RASA4B: variants seen among roughly 807,000 people sequenced by gnomAD.
RASA4B encodes the protein RAS p21 protein activator 4B, also known as ras GTPase-activating protein 4B.
In RASA4B, 2 loss-of-function variants were observed where a neutral mutation model predicts 24.2. The ratio of observed to expected loss-of-function variants is 0.08; its 90% confidence interval spans 0.03 to 0.26. The LOEUF (loss-of-function observed/expected upper bound fraction) is 0.26. RASA4B is among the 10% of genes least tolerant of loss of function. RASA4B has a pLI of 1.00. For missense variants in RASA4B, 8 were observed against 277.2 expected, an observed-to-expected ratio of 0.03 and a Z score of 6.90; for synonymous variants, 2 against 125.6, an observed-to-expected ratio of 0.02 and a Z score of 6.58.
intron 6 of RASA4B, among the ~76,000 whole-genome samples, chr7:102,502,809 C>T (rs1315452735): frequency 1.0e-4 from 11 of 109,128 alleles, no homozygotes; most frequent in Non-Finnish European, 2.4e-4. Flanking sequence ...AGCGACTATA[C>T]TGAGAAAGCA....
At chr7:102,504,122 T>TG in intron 5 of RASA4B, among the ~76,000 whole-genome samples, 1 of 151,534 alleles carries the variant, frequency 6.6e-6, no homozygotes, top group East Asian at 2.0e-4. Context: ...TTTCTTTTTT[T>TG]TTTTTAAACA....
intron 1 of RASA4B, among the ~76,000 whole-genome samples, chr7:102,513,289 TG>T (rs1158072000): frequency 6.7e-6 from 1 of 148,886 alleles, no homozygotes; most frequent in Admixed American, 6.7e-5. Context: ...CTGAGCTACC[TG>T]GGGGCGGGGA....
At chr7:102,489,611 G>GC (rs1349971931) in intron 17 of RASA4B, among the ~76,000 whole-genome samples, 1,154 of 144,718 alleles carry the variant, frequency 8.0e-3, no homozygotes, top group Admixed American at 1.0e-2. Flanking sequence ...TCCTGCCTCA[G>GC]CCCCCCAAGT....
Position 102,480,496 on chromosome 7 carries a change from C to CT in RASA4B, c.*3095dup, listed in dbSNP as rs1798589282. Among the ~76,000 whole-genome samples, 1 of 129,908 alleles carries CT rather than the reference C, an allele frequency of 7.7e-6. No individual in the cohort carries two copies. Among genetic ancestry groups the CT allele is most frequent in the Non-Finnish European group, 1.7e-5 (1 of 60,218 alleles). 85.2% of individuals were successfully genotyped at this position (129,908 alleles called of 152,430 possible). A position where few individuals can be genotyped will look rare whatever the true frequency, so the allele number is the denominator to read the frequency against. ...GACCAGGCCATGTATACTTTTTAAG[C>CT]TTTTTTATTCTTGAAAAGTTCAAAG... is the stretch of plus-strand genomic sequence containing the variant. On this transcript the variant is annotated 3_prime_UTR_variant, in exon 21 of 21. Coordinates refer to ENST00000465829, the MANE Select transcript of RASA4B (RefSeq NM_001367767.2).
intron 6 of RASA4B, among the ~76,000 whole-genome samples, chr7:102,502,544 AG>A (rs1407307671): frequency 3.2e-4 from 26 of 80,754 alleles, no homozygotes; most frequent in Non-Finnish European, 6.3e-4. Context: ...GGATCACTTG[AG>A]GCCAGGAGTT....
intron 8 of RASA4B, among the ~76,000 whole-genome samples, chr7:102,498,264 A>AT (rs534411144): frequency 2.1e-4 from 30 of 145,800 alleles, no homozygotes; most frequent in African/African-American, 6.5e-4. Context: ...TTCTTTATTT[A>AT]TTTTTTTTTT....
rs1799138769 is a variant in RASA4B at position 102,496,541 on chromosome 7, T to C, written c.934A>G (p.Lys312Glu). The part of the protein sequence containing the change: ...CRQDVATNLL[K>E]LFLGQGLAKD... ...GCCAGCCCCTGCCCCAGGAAGAGCT[T>C]GAGCAGGTTCGTGGCCACGTCCTGG... The change falls in exon 10 of 21, where the codon AAG (lysine) becomes GAG (glutamate). Residue 312 changes from lysine to glutamate, a missense_variant. By Grantham distance (56) the Lys-to-Glu change is moderately conservative (BLOSUM62 1). Transcript: ENST00000465829. 1 of 1,017,234 alleles carries C rather than the reference T, an allele frequency of 9.8e-7. No individual in the cohort carries two copies. The highest frequency in any genetic ancestry group is 1.4e-5 in the African/African-American group (1 of 69,334). The allele number at this position is 1,017,234 out of a possible 1,614,324, so 63.0% of individuals were successfully genotyped here.
chr7:102,491,936 G>GC (rs1286717956), intron 16 of RASA4B, among the ~76,000 whole-genome samples: 2 of 10,580 alleles, frequency 1.9e-4, no homozygotes, highest in Non-Finnish European at 8.2e-4. Flanking sequence ...AGCATAGCAA[G>GC]ACCCCATCTC....
rs570354166 is a variant in RASA4B at position 102,480,277 on chromosome 7, C to G, written c.*3315G>C. Among the ~76,000 whole-genome samples, 2 of 152,222 alleles carry G rather than the reference C, an allele frequency of 1.3e-5. No homozygotes were observed. Among genetic ancestry groups the G allele is most frequent in the South Asian group, 4.2e-4 (2 of 4,818 alleles). ...CAGGAAAGGGAGTGTACAGTGAGAT[C>G]AGGATGAGGGTGGTGAGGTGGTGAT... On this transcript the variant is annotated 3_prime_UTR_variant, in exon 21 of 21. Coordinates refer to ENST00000465829, the MANE Select transcript of RASA4B (RefSeq NM_001367767.2).
At position 102,480,205 on chromosome 7, in the gene RASA4B, T is replaced by A. The variant is rs1798580245; in HGVS notation, c.*3387A>T. Among the ~76,000 whole-genome samples, 1 of 152,154 alleles carries A rather than the reference T, an allele frequency of 6.6e-6. No individual in the cohort carries two copies. The highest frequency in any genetic ancestry group is 2.4e-5 in the African/African-American group (1 of 41,456). ...ACCTGTTGCCAAGCCCACCGTGGTC[T>A]AGCTGTAGCGTTAGTGTCAAGGAAA... On this transcript the variant is annotated 3_prime_UTR_variant, in exon 21 of 21. Transcript: ENST00000465829.
intron 8 of RASA4B, among the ~76,000 whole-genome samples, chr7:102,500,437 A>G (rs1799324153): frequency 7.2e-6 from 1 of 139,764 alleles, no homozygotes; most frequent in Admixed American, 7.4e-5. Context: ...ACGCCATTGC[A>G]CTCCAGCCTG....
intron 5 of RASA4B, among the ~76,000 whole-genome samples, chr7:102,504,789 C>T (rs1799442527): frequency 7.0e-6 from 1 of 143,612 alleles, no homozygotes; most frequent in African/African-American, 2.7e-5. Context: ...CACCTGAGGG[C>T]AGGAGTTTGA....
intron 18 of RASA4B, among the ~76,000 whole-genome samples, chr7:102,486,959 G>A (rs1359142087): frequency 5.5e-5 from 1 of 18,154 alleles, no homozygotes; most frequent in Non-Finnish European, 2.3e-4. Flanking sequence ...TTACAGGCGT[G>A]AGCCACCACA....
rs980312608 is a variant in RASA4B, at chr7:102,480,123, G to A, written c.*3469C>T. Among the ~76,000 whole-genome samples the A allele has an allele frequency of 9.9e-5, 15 of 152,092 alleles. No individual in the cohort carries two copies. Among genetic ancestry groups the A allele is most frequent in the African/African-American group, 3.4e-4 (14 of 41,426 alleles). ...AGAGTGCGAGCTTTCTGTTATGCCCGGACAGGGCCACCAGAGGGCTCCTTG... is the reference window on the plus strand; with the variant it reads ...AGAGTGCGAGCTTTCTGTTATGCCCAGACAGGGCCACCAGAGGGCTCCTTG... On this transcript the variant is annotated 3_prime_UTR_variant, in exon 21 of 21. Transcript: ENST00000465829.
At chr7:102,502,639 A>G (rs1799360149) in intron 6 of RASA4B, among the ~76,000 whole-genome samples, 1 of 111,264 alleles carries the variant, frequency 9.0e-6, no homozygotes, top group Non-Finnish European at 2.3e-5. Flanking sequence ...GTGTGCCTGT[A>G]ATCCTAGCTA....
chr7:102,496,133 A>T lies in RASA4B; in HGVS notation c.1071+7T>A. 6.2e-7 allele frequency: 1 copy of T among 1,613,902 alleles called. No homozygotes were observed. The highest frequency in any genetic ancestry group is 8.5e-7 in the Non-Finnish European group (1 of 1,179,800). On this transcript the variant is annotated splice_region_variant and intron_variant, in intron 11 of 20. Coordinates refer to ENST00000465829, the MANE Select transcript of RASA4B (RefSeq NM_001367767.2). The stretch of plus-strand genomic sequence containing the variant: ...CAAGATGAGGACAATATAGCATGCA[A>T]CCTCACCTTCAGAAAAGACTCCACG...
chr7:102,514,776 AG>A (rs1008378953), intron 1 of RASA4B, among the ~76,000 whole-genome samples: 1 of 107,540 alleles, frequency 9.3e-6, no homozygotes, highest in African/African-American at 3.1e-5. Context: ...GAGGAGGACC[AG>A]GGAAAACCCC....
At chr7:102,512,882 TGG>T (rs1264336977) in intron 1 of RASA4B, among the ~76,000 whole-genome samples, 17 of 87,462 alleles carry the variant, frequency 1.9e-4, no homozygotes, top group Admixed American at 8.6e-4. Context: ...GAGGGAGGGG[TGG>T]AGAGGGAGAG....
intron 1 of RASA4B, among the ~76,000 whole-genome samples, chr7:102,512,356 GA>G (rs762279426): frequency 6.5e-3 from 31 of 4,804 alleles, no homozygotes; most frequent in African/African-American, 0.026. Flanking sequence ...GGGACAGAGG[GA>G]GGGGCAGAAA....
Sources: allele counts gnomAD v4.1 joint callset (sites outside exome capture counted in the v4.1 genomes callset), GRCh38; gene constraint gnomAD v4.1.1; transcripts MANE v1.5; gene names NCBI Gene and HGNC (gene_info 2026-07-23, HGNC 2026-07-21).